PCDHGA3: variants seen among roughly 807,000 people sequenced by gnomAD.
PCDHGA3 encodes the protein protocadherin gamma subfamily A, 3.
In PCDHGA3, 40 loss-of-function variants were observed where a neutral mutation model predicts 58.5. The observed-to-expected ratio is 0.68, with a 90% CI of 0.53 to 0.89. The LOEUF (loss-of-function observed/expected upper bound fraction) is 0.89. Ranked by LOEUF, PCDHGA3 falls within the 40% of genes least tolerant of loss-of-function variation. The pLI is 0.00. For synonymous variants in PCDHGA3, 530 were observed against 525.7 expected (o/e 1.01, Z -0.11); for missense variants, 1,223 against 1,195.9 (o/e 1.02, Z -0.33).
chr5:141,464,144 A>G (rs1305530394), intron 1 of PCDHGA3, among the ~76,000 whole-genome samples: 1 of 152,030 alleles, frequency 6.6e-6, no homozygotes, highest in South Asian at 2.1e-4. Context: ...GGGCGCCTGT[A>G]GTCCCAGCTA....
Position 141,511,267 on chromosome 5 carries a change from C to T in PCDHGA3, c.*94C>T, listed in dbSNP as rs1223074819. 1.3e-6 allele frequency: 2 copies of T among 1,549,404 alleles called. No homozygotes were observed. Among genetic ancestry groups the T allele is most frequent in the Non-Finnish European group, 1.7e-6 (2 of 1,146,836 alleles). On this transcript the variant is annotated 3_prime_UTR_variant, in exon 4 of 4. Transcript: ENST00000253812. ...CCAGGCCTCAGAGTTTCAGGGCTAA[C>T]CCCCAGAATACTGGTAGGGGCCAAG...
chr5:141,428,744 T>C (rs939886054), intron 1 of PCDHGA3: 10 of 155,306 alleles, frequency 6.4e-5, no homozygotes, highest in African/African-American at 2.4e-4. Context: ...ATATCTACTA[T>C]TGCTTCAGGT....
chr5:141,439,172 G>A (rs1181712838), intron 1 of PCDHGA3, among the ~76,000 whole-genome samples: 1 of 147,496 alleles, frequency 6.8e-6, no homozygotes, highest in Admixed American at 6.8e-5. Context: ...CAGCCTGGGC[G>A]ACATAGTGAG....
Position 141,490,320 on chromosome 5 carries a change from A to G in PCDHGA3, c.2425-4487A>G. The G allele has an allele frequency of 6.2e-7, 1 of 1,614,228 alleles. No individual in the cohort carries two copies. The highest frequency in any genetic ancestry group is 1.1e-5 in the South Asian group (1 of 91,088). ...TGGCCTCTTTGGCCAACCCTGTCCT[A>G]GAGAGCACACCAGTGGGCACAGTAG... On this transcript the variant is annotated intron_variant, in intron 1 of 3. Transcript: ENST00000253812. The surrounding 1 kb of genome is among the most constrained non-coding windows in gnomAD (Gnocchi z 5.4).
intron 1 of PCDHGA3, chr5:141,478,676 G>A (rs540780497): frequency 6.4e-7 from 1 of 1,551,522 alleles, no homozygotes; most frequent in African/African-American, 1.4e-5. Flanking sequence ...CTTTCAACTG[G>A]CCCTTCCTAG....
intron 1 of PCDHGA3, among the ~76,000 whole-genome samples, chr5:141,348,774 G>A (rs1758177041): frequency 6.6e-6 from 1 of 152,176 alleles, no homozygotes; most frequent in Admixed American, 6.5e-5. Flanking sequence ...ATGATGCAAG[G>A]AAACAAGTGA....
At position 141,360,263 on chromosome 5, in the gene PCDHGA3, A is replaced by G. The variant is rs555467064; in HGVS notation, c.2424+13806A>G. The G allele has an allele frequency of 1.9e-6, 3 of 1,613,984 alleles. No individual in the cohort carries two copies. In the Admixed American group the frequency reaches 5.0e-5, roughly 27 times the overall value. On this transcript the variant is annotated intron_variant, in intron 1 of 3. Transcript: ENST00000253812. ...TATTCAATTCCAGAGGAGCTGGCCA[A>G]AAACTCGGTCGTAGGAAACCTCGCC...
chr5:141,415,853 G>A, intron 1 of PCDHGA3: 1 of 1,186,350 alleles, frequency 8.4e-7, no homozygotes, highest in Non-Finnish European at 1.1e-6. Flanking sequence ...GCAGAACCTT[G>A]TAGTTTATAG....
chr5:141,458,249 GCT>G (rs1291613361), intron 1 of PCDHGA3, among the ~76,000 whole-genome samples: 1 of 152,136 alleles, frequency 6.6e-6, no homozygotes, highest in African/African-American at 2.4e-5. Flanking sequence ...AAATGATACG[GCT>G]CTGATGAGTG....
intron 1 of PCDHGA3, chr5:141,398,701 C>G (rs757215015): frequency 6.2e-7 from 1 of 1,613,658 alleles, no homozygotes; most frequent in African/African-American, 1.3e-5. Flanking sequence ...TAGTAAATAC[C>G]CGGAACTGGC....
At chr5:141,377,317 T>C (rs1355098405) in intron 1 of PCDHGA3, 3 of 152,140 alleles carry the variant, frequency 2.0e-5, no homozygotes, top group African/African-American at 7.2e-5. Context: ...GATCAAGATC[T>C]TGGTTTTAGC....
At position 141,510,973 on chromosome 5, in the gene PCDHGA3, G is replaced by A. The variant is rs1448442252; in HGVS notation, c.2599G>A (p.Gly867Arg). 2 of 1,614,042 alleles carry A rather than the reference G, an allele frequency of 1.2e-6. No individual in the cohort carries two copies. Among genetic ancestry groups the A allele is most frequent in the East Asian group, 2.2e-5 (1 of 44,894 alleles). ...AGCTGCTGATGGGAGCTCCACCCTG[G>A]GAGGGGGTGCCGGCACCATGGGATT... ...SEAADGSSTL[G>R]GGAGTMGLSA... Residue 867 changes from glycine (G) to arginine (R), a missense_variant, in exon 4 of 4, where the codon GGA (glycine) becomes AGA (arginine). Gly to Arg is a moderately radical substitution (Grantham distance 125). This residue lies in a region of PCDHGA3 where 325 missense variants were observed against 327.5 expected (regional missense o/e 0.99). Transcript: ENST00000253812.
At chr5:141,381,826 C>CTTCTTTTTTTTTT (rs1777532522) in intron 1 of PCDHGA3, among the ~76,000 whole-genome samples, 2 of 74,284 alleles carry the variant, frequency 2.7e-5, no homozygotes, top group African/African-American at 1.2e-4. Context: ...CTTTCTTCTT[C>CTTCTTTTTTTTTT]TTTTTTTTTT....
chr5:141,494,386 T>G (rs2099753905), intron 1 of PCDHGA3, among the ~76,000 whole-genome samples: 1 of 152,198 alleles, frequency 6.6e-6, no homozygotes, highest in African/African-American at 2.4e-5. Context: ...GCTGAGGAGT[T>G]GAATAAATTC....
At chr5:141,380,669 G>C (rs1434222643) in intron 1 of PCDHGA3, among the ~76,000 whole-genome samples, 1 of 152,174 alleles carries the variant, frequency 6.6e-6, no homozygotes, top group Non-Finnish European at 1.5e-5. Flanking sequence ...TTACTCCATA[G>C]GGTATGTATG....
At chr5:141,403,574 C>T (rs1441332710) in intron 1 of PCDHGA3, 1 of 1,613,960 alleles carries the variant, frequency 6.2e-7, no homozygotes, top group Non-Finnish European at 8.5e-7. Context: ...GGCAACTGCC[C>T]ACCACCTGGT....
chr5:141,490,249 C>T lies in PCDHGA3; in HGVS notation c.2425-4558C>T, dbSNP rs2099697737. On this transcript the variant is annotated intron_variant, in intron 1 of 3. Coordinates refer to ENST00000253812, the MANE Select transcript of PCDHGA3 (RefSeq NM_018916.4). The surrounding 1 kb of genome is among the most constrained non-coding windows in gnomAD (Gnocchi z 5.4). ...TGCCATGGAGGGCCACTGTGTGATT[C>T]AAGTGGATGTGGGGGATGTCAATGA... The T allele has an allele frequency of 1.2e-6, 2 of 1,614,218 alleles. No individual in the cohort carries two copies. The highest frequency in any genetic ancestry group is 1.7e-6 in the Non-Finnish European group (2 of 1,180,044).
intron 1 of PCDHGA3, chr5:141,403,649 T>C: frequency 6.2e-7 from 1 of 1,613,874 alleles, no homozygotes; most frequent in Non-Finnish European, 8.5e-7. Context: ...TGTGACAGTG[T>C]TGGATACAAA....
At chr5:141,419,793 C>T in intron 1 of PCDHGA3, 1 of 1,614,072 alleles carries the variant, frequency 6.2e-7, no homozygotes, top group East Asian at 2.2e-5. Flanking sequence ...CTGCTAGTCG[C>T]TGTAAGAGAT....
Sources: gnomAD v4.1 joint callset for allele counts (sites outside exome capture counted in the v4.1 genomes callset) on GRCh38, gnomAD v4.1.1 for gene constraint, gnomAD v4.1.1 regional missense constraint, Gnocchi (gnomAD v3.1) non-coding constraint, MANE v1.5 for transcripts, NCBI Gene and HGNC (gene_info 2026-07-23, HGNC 2026-07-21) for gene names.